ARB2A: variants seen among roughly 807,000 people sequenced by gnomAD.
The protein encoded by ARB2A is cotranscriptional regulator ARB2A.
the ARB2A span, among the ~76,000 whole-genome samples, chr5:94,033,235 C>G: frequency 6.6e-6 from 1 of 152,056 alleles, no homozygotes; most frequent in South Asian, 2.1e-4. Context: ...TATACTAATA[C>G]AGTTTACCCC....
the ARB2A span, chr5:93,866,118 GAA>G: frequency 1.5e-5 from 15 of 985,252 alleles, no homozygotes; most frequent in Non-Finnish European, 1.8e-5. Context: ...TAGGACCAAT[GAA>G]AAAAGAGGAT....
At chr5:93,744,797 C>T in the ARB2A span, among the ~76,000 whole-genome samples, 3,713 of 152,272 alleles carry the variant, frequency 0.024, 61 homozygotes, top group Non-Finnish European at 0.038. Flanking sequence ...GGCTAATCCA[C>T]CACCTTCAAC....
the ARB2A span, chr5:93,618,625 A>G: frequency 6.6e-6 from 1 of 152,202 alleles, no homozygotes; most frequent in South Asian, 2.1e-4. Flanking sequence ...AAAAAATCCT[A>G]CATTACAAAG....
the ARB2A span, among the ~76,000 whole-genome samples, chr5:93,864,077 C>A: frequency 6.6e-6 from 1 of 152,068 alleles, no homozygotes; most frequent in Non-Finnish European, 1.5e-5. Flanking sequence ...AATAGTATCA[C>A]AAGCAATTAA....
At chr5:93,844,181 C>T in the ARB2A span, among the ~76,000 whole-genome samples, 14 of 151,370 alleles carry the variant, frequency 9.2e-5, no homozygotes, top group Non-Finnish European at 1.3e-4. Context: ...ACATAGCTCA[C>T]GCCTGTAATT....
chr5:94,035,952 A>G, the ARB2A span, among the ~76,000 whole-genome samples: 1 of 152,132 alleles, frequency 6.6e-6, no homozygotes, highest in Non-Finnish European at 1.5e-5. Flanking sequence ...GCAGATGTAT[A>G]CCTATGTAAC....
chr5:94,048,440 T>C, the ARB2A span, among the ~76,000 whole-genome samples: 1 of 152,150 alleles, frequency 6.6e-6, no homozygotes, highest in Non-Finnish European at 1.5e-5. Flanking sequence ...TAACAAGAAC[T>C]GTGAAGATTC....
At chr5:93,678,693 T>C in the ARB2A span, among the ~76,000 whole-genome samples, 4 of 151,362 alleles carry the variant, frequency 2.6e-5, no homozygotes, top group East Asian at 1.9e-4. Flanking sequence ...AAGGCGGAGG[T>C]TGCAGTGAGC....
chr5:93,984,722 C>T, the ARB2A span, among the ~76,000 whole-genome samples: 7 of 152,054 alleles, frequency 4.6e-5, no homozygotes, highest in Non-Finnish European at 1.0e-4. Flanking sequence ...ACTATAAGCA[C>T]CTTATAAATA....
chr5:93,653,364 T>C, the ARB2A span, among the ~76,000 whole-genome samples: 1 of 150,436 alleles, frequency 6.6e-6, no homozygotes, highest in Non-Finnish European at 1.5e-5. Flanking sequence ...AAAAAAAAAT[T>C]AGCTGGGCGT....
the ARB2A span, among the ~76,000 whole-genome samples, chr5:93,681,034 G>T: frequency 1.3e-5 from 2 of 152,092 alleles, no homozygotes; most frequent in Non-Finnish European, 2.9e-5. Context: ...TGAAATTATG[G>T]ATTTCTCTGG....
the ARB2A span, among the ~76,000 whole-genome samples, chr5:94,068,784 T>G: frequency 6.7e-6 from 1 of 149,990 alleles, no homozygotes; most frequent in South Asian, 2.1e-4. Context: ...CAGCTAGTCC[T>G]GTCTCTCAAC....
the ARB2A span, among the ~76,000 whole-genome samples, chr5:93,622,619 C>G: frequency 4.6e-5 from 7 of 152,208 alleles, no homozygotes; most frequent in African/African-American, 1.7e-4. Flanking sequence ...CAAGGATTCT[C>G]TCTATCCTCC....
At chr5:93,868,933 C>T in the ARB2A span, among the ~76,000 whole-genome samples, 10 of 152,172 alleles carry the variant, frequency 6.6e-5, no homozygotes, top group African/African-American at 2.4e-4. Context: ...TATCTAGTCA[C>T]ATTTGTATAC....
chr5:93,708,459 G>A, the ARB2A span, among the ~76,000 whole-genome samples: 3 of 152,166 alleles, frequency 2.0e-5, no homozygotes, highest in African/African-American at 7.2e-5. Context: ...TCCACACATG[G>A]GGAGTGGGGG....
At chr5:93,863,579 T>C in the ARB2A span, 1 of 152,058 alleles carries the variant, frequency 6.6e-6, no homozygotes, top group Non-Finnish European at 1.5e-5. Context: ...GAGTGGCTTT[T>C]TTTATAGCAT....
the ARB2A span, among the ~76,000 whole-genome samples, chr5:93,866,465 T>A: frequency 7.5e-4 from 114 of 152,124 alleles, no homozygotes; most frequent in Non-Finnish European, 1.3e-3. Context: ...GAAACCCACA[T>A]ACACGCAGCT....
chr5:93,785,443 T>C, the ARB2A span, among the ~76,000 whole-genome samples: 3 of 152,174 alleles, frequency 2.0e-5, no homozygotes, highest in Non-Finnish European at 4.4e-5. Flanking sequence ...GCTGTTAATT[T>C]CTATGAATTG....
the ARB2A span, chr5:93,865,217 G>C: frequency 5.7e-6 from 1 of 174,144 alleles, no homozygotes; most frequent in Non-Finnish European, 1.1e-5. Context: ...GAGTAGCTGA[G>C]CCTACAGGTG....
Sources: allele counts gnomAD v4.1 joint callset (sites outside exome capture counted in the v4.1 genomes callset), GRCh38; gene constraint gnomAD v4.1.1; transcripts MANE v1.5; gene names NCBI Gene and HGNC (gene_info 2026-07-23, HGNC 2026-07-21).